ART3: variants seen among roughly 807,000 people sequenced by gnomAD.
The protein encoded by ART3 is ADP-ribosyltransferase 3 (inactive).
A neutral mutation model predicts 48.5 loss-of-function variants in ART3; 49 were observed. The ratio of observed to expected loss-of-function variants is 1.01; its 90% CI spans 0.80 to 1.28. The LOEUF (loss-of-function observed/expected upper bound fraction) is 1.28. Ranked by LOEUF, ART3 falls within the 50% of genes most tolerant of loss-of-function variation. The pLI, the probability that ART3 is intolerant of heterozygous loss-of-function variation, is 0.00. For missense variants in ART3, 438 were observed against 454.3 expected (o/e 0.96, Z 0.33); for synonymous variants, 145 against 157.2 (o/e 0.92, Z 0.58).
At chr4:76,039,782 A>G (rs1217073376) in intron 1 of ART3, among the ~76,000 whole-genome samples, 1 of 152,212 alleles carries the variant, frequency 6.6e-6, no homozygotes, top group Non-Finnish European at 1.5e-5. Context: ...ATATTTTTAC[A>G]TTATACTATT....
intron 11 of ART3, chr4:76,112,081 A>C (rs545522436): frequency 3.8e-6 from 1 of 265,786 alleles, no homozygotes; most frequent in African/African-American, 2.2e-5. Flanking sequence ...TATTATCAGT[A>C]AGGCTTCCAG....
Position 76,085,842 on chromosome 4 carries a change from C to T in ART3, c.781+3307C>T, listed in dbSNP as rs186002611. On this transcript the variant is annotated intron_variant, in intron 3 of 11. Coordinates refer to ENST00000355810, the MANE Select transcript of ART3 (RefSeq NM_001130016.3). The stretch of plus-strand genomic sequence containing the variant: ...ATCCCAGCGCTTTGGGAGGCCGAGG[C>T]GGGCAGATCACCTGAGGTCAGGAGT... Among the ~76,000 whole-genome samples the T allele has an allele frequency of 5.2e-4, 79 of 152,150 alleles. No homozygotes were observed. The Middle Eastern group carries it at 0.01, about 20-fold the overall frequency.
intron 1 of ART3, among the ~76,000 whole-genome samples, chr4:76,028,555 T>C (rs1733615523): frequency 6.6e-6 from 1 of 152,082 alleles, no homozygotes; most frequent in Admixed American, 6.5e-5. Flanking sequence ...TTAGAAGAAA[T>C]TTTCTAAAAA....
chr4:76,034,777 A>G (rs952634518), intron 1 of ART3: 28 of 1,510,132 alleles, frequency 1.9e-5, no homozygotes, highest in South Asian at 6.9e-5. Context: ...CCAGGACTTC[A>G]TATGTTTTGA....
rs147499398 is a variant in ART3, at chr4:76,021,670, A to G, written c.-10+10350A>G. ...TGAAGCAGGGTCAGAACATCCACTAAGAACATAGCACCTCAGTAGAGCTTA... is the reference window on the plus strand; with the variant it reads ...TGAAGCAGGGTCAGAACATCCACTAGGAACATAGCACCTCAGTAGAGCTTA... On this transcript the variant is annotated intron_variant, in intron 1 of 9. Transcript: ENST00000341029. 32 of 439,880 alleles carry G rather than the reference A, an allele frequency of 7.3e-5. 1 individual carries two copies. The East Asian group carries it at 1.1e-3, about 15-fold the overall frequency. 27.2% of individuals were successfully genotyped at this position (439,880 alleles called of 1,614,324 possible).
chr4:76,085,926 G>T (rs2149579536), intron 3 of ART3, among the ~76,000 whole-genome samples: 1 of 152,188 alleles, frequency 6.6e-6, no homozygotes, highest in East Asian at 1.9e-4. Context: ...ACAAAAATTA[G>T]CCAGGCGTGG....
chr4:76,105,500 T>G, intron 10 of ART3: 1 of 1,288,048 alleles, frequency 7.8e-7, no homozygotes, highest in Non-Finnish European at 1.0e-6. Flanking sequence ...TGTTATTATC[T>G]GAAAACCTCT....
chr4:76,104,848 T>C (rs966542622), intron 10 of ART3, among the ~76,000 whole-genome samples: 7 of 152,114 alleles, frequency 4.6e-5, no homozygotes, highest in Non-Finnish European at 8.8e-5. Flanking sequence ...TTCTCCTGAG[T>C]TCATGTAGTA....
At chr4:76,064,665 A>G (rs149574213) in intron 1 of ART3, among the ~76,000 whole-genome samples, 2 of 152,296 alleles carry the variant, frequency 1.3e-5, no homozygotes, top group Non-Finnish European at 2.9e-5. Flanking sequence ...GGAAGCTGGG[A>G]GGTGAAAGGC....
chr4:76,038,110 T>C (rs1227150429), intron 1 of ART3, among the ~76,000 whole-genome samples: 1 of 152,206 alleles, frequency 6.6e-6, no homozygotes, highest in East Asian at 1.9e-4. Flanking sequence ...TGATGAAATC[T>C]CACATCATCT....
intron 10 of ART3, among the ~76,000 whole-genome samples, chr4:76,106,757 C>T (rs979089603): frequency 1.3e-5 from 2 of 152,104 alleles, no homozygotes; most frequent in Non-Finnish European, 2.9e-5. Flanking sequence ...CCTTTGTGCC[C>T]GAGCTGTTTT....
chr4:76,103,163 TAATC>T (rs1214516168), intron 8 of ART3, among the ~76,000 whole-genome samples: 1 of 152,122 alleles, frequency 6.6e-6, no homozygotes, highest in Non-Finnish European at 1.5e-5. Context: ...ACCTGGGAAA[TAATC>T]TATTTACTGA....
chr4:76,099,091 C>T (rs1276346616), intron 5 of ART3, 104 bp downstream of exon 5: 10 of 1,076,436 alleles, frequency 9.3e-6, no homozygotes, highest in African/African-American at 3.1e-5. Flanking sequence ...CACTTGAGCC[C>T]AGGAGTTTGA....
intron 10 of ART3, 33 bp from the exon 11 acceptor site, chr4:76,107,728 A>G (rs2109794309): frequency 8.2e-6 from 11 of 1,344,272 alleles, no homozygotes; most frequent in Non-Finnish European, 1.1e-5. Flanking sequence ...CAGATATACA[A>G]TATAACTAAC....
rs1578469878 is a variant in ART3, at chr4:76,082,274, G to T, written c.520G>T (p.Gly174Trp). ...TSQGTSFTFG[G>W]LNQARFGHFT... ...CCAGGGCACTTCATTTACATTTGGA[G>T]GGCTAAACCAAGCCAGGTTTGGCCA... Residue 174 changes from glycine to tryptophan, a missense_variant, in exon 3 of 12, where the codon GGG becomes TGG. By Grantham distance (184) the Gly-to-Trp change is radical (BLOSUM62 -2). Coordinates refer to ENST00000355810, the MANE Select transcript of ART3 (RefSeq NM_001130016.3). 1 of 1,614,176 alleles carries T rather than the reference G, an allele frequency of 6.2e-7. No homozygotes were observed. The highest frequency in any genetic ancestry group is 2.2e-5 in the East Asian group (1 of 44,886).
intron 3 of ART3, among the ~76,000 whole-genome samples, chr4:76,096,538 G>A (rs529480254): frequency 6.6e-6 from 1 of 152,338 alleles, no homozygotes; most frequent in East Asian, 1.9e-4. Flanking sequence ...CAGGTATGAA[G>A]TAGAGACCAC....
chr4:76,027,920 T>C (rs1477824485), intron 1 of ART3, among the ~76,000 whole-genome samples: 14 of 151,462 alleles, frequency 9.2e-5, no homozygotes, highest in Non-Finnish European at 1.9e-4. Flanking sequence ...TAACCAAATC[T>C]CAGATAGACT....
At chr4:76,102,175 TAGAC>T (rs1213375174) in intron 8 of ART3, among the ~76,000 whole-genome samples, 1 of 152,264 alleles carries the variant, frequency 6.6e-6, no homozygotes, top group African/African-American at 2.4e-5. Context: ...TAATTACTTT[TAGAC>T]AGAACAGTAG....
intron 1 of ART3, among the ~76,000 whole-genome samples, chr4:76,019,593 A>G (rs1005246050): frequency 9.3e-6 from 1 of 107,604 alleles, no homozygotes; most frequent in Admixed American, 1.0e-4. Context: ...AGCTGGGACT[A>G]CAGGCGCCCG....
Sources: gnomAD v4.1 joint callset for allele counts (sites outside exome capture counted in the v4.1 genomes callset) on GRCh38, gnomAD v4.1.1 for gene constraint, MANE v1.5 for transcripts, NCBI Gene and HGNC (gene_info 2026-07-23, HGNC 2026-07-21) for gene names.